The following CHST9 variants were observed in gnomAD, a reference collection of about 807,000 sequenced individuals.
CHST9 encodes the protein carbohydrate sulfotransferase 9, also known as GalNAc-4-sulfotransferase 2.
A neutral mutation model predicts 44.4 loss-of-function variants in CHST9; 41 were observed. The observed-to-expected ratio is 0.92, with a 90% CI of 0.72 to 1.20. The LOEUF is 1.20. CHST9 is among the 50% of genes most tolerant of loss of function. CHST9 has a pLI of 0.00. For synonymous variants in CHST9, 171 were observed against 178.4 expected (o/e 0.96, Z 0.33); for missense variants, 504 against 516.5 (o/e 0.98, Z 0.23).
rs116543043 is a variant in CHST9 at position 26,954,088 on chromosome 18, T to C, written c.203-9722A>G. On this transcript the variant is annotated intron_variant, in intron 4 of 5. Transcript: ENST00000618847. ...ACATCCCCCTCTTTTCACCATCAAA[T>C]TGTATTTTAATAAGGAATCTGAGAA... Among the ~76,000 whole-genome samples, 237 of 152,200 alleles carry C rather than the reference T, an allele frequency of 1.6e-3. 1 individual carries two copies. The highest frequency in any genetic ancestry group is 5.4e-3 in the African/African-American group (225 of 41,516).
intron 1 of CHST9, among the ~76,000 whole-genome samples, chr18:27,156,280 A>C (rs2058698162): frequency 6.6e-6 from 1 of 152,050 alleles, no homozygotes; most frequent in Admixed American, 6.5e-5. Context: ...AAGATGAGAA[A>C]TGTAGTATCC....
intron 2 of CHST9, among the ~76,000 whole-genome samples, chr18:27,140,123 T>A (rs1215339230): frequency 6.6e-6 from 1 of 152,156 alleles, no homozygotes. Flanking sequence ...TATAGAGAAA[T>A]AATAATATTC....
At chr18:27,048,049 G>T (rs1220398159) in intron 3 of CHST9, among the ~76,000 whole-genome samples, 1 of 152,150 alleles carries the variant, frequency 6.6e-6, no homozygotes, top group Non-Finnish European at 1.5e-5. Flanking sequence ...ATATAAAGAT[G>T]CTTCTCAGTT....
At chr18:27,106,462 G>A (rs1422318146) in intron 2 of CHST9, among the ~76,000 whole-genome samples, 1 of 152,140 alleles carries the variant, frequency 6.6e-6, no homozygotes, top group Non-Finnish European at 1.5e-5. Flanking sequence ...CTATTTTGTT[G>A]TAATTGTTGT....
chr18:27,034,895 G>C (rs1195071960), intron 3 of CHST9, among the ~76,000 whole-genome samples: 1 of 152,178 alleles, frequency 6.6e-6, no homozygotes, highest in Non-Finnish European at 1.5e-5. Flanking sequence ...GGAAAAAGTT[G>C]AAAGCTTTTT....
chr18:26,928,462 T>C (rs232339), intron 5 of CHST9: 66,816 of 152,018 alleles, frequency 0.44, 15,043 homozygotes, highest in East Asian at 0.7. Flanking sequence ...TGCGTCAGAT[T>C]GCCTAGGTCT....
intron 4 of CHST9, among the ~76,000 whole-genome samples, chr18:27,020,335 G>T (rs1372729137): frequency 6.6e-6 from 1 of 152,218 alleles, no homozygotes; most frequent in Non-Finnish European, 1.5e-5. Flanking sequence ...TACCACAGTG[G>T]ACCGAAAGAA....
chr18:26,962,001 C>T (rs959402886), intron 4 of CHST9, among the ~76,000 whole-genome samples: 15 of 152,148 alleles, frequency 9.9e-5, no homozygotes, highest in Admixed American at 2.0e-4. Context: ...GGGAGACACA[C>T]AGGACAGATT....
chr18:27,168,295 C>T (rs930474139), intron 1 of CHST9, among the ~76,000 whole-genome samples: 29 of 152,082 alleles, frequency 1.9e-4, no homozygotes, highest in East Asian at 9.7e-4. Context: ...AGGATGGTCT[C>T]GATCCCCTGA....
chr18:27,038,974 G>T (rs2057417660), intron 3 of CHST9, among the ~76,000 whole-genome samples: 1 of 152,000 alleles, frequency 6.6e-6, no homozygotes, highest in South Asian at 2.1e-4. Context: ...TTATATATAT[G>T]GCTTACATTG....
At chr18:26,977,346 T>A (rs891250427) in intron 4 of CHST9, among the ~76,000 whole-genome samples, 16 of 150,518 alleles carry the variant, frequency 1.1e-4, no homozygotes, top group Admixed American at 7.3e-4. Flanking sequence ...TTAGTCTAAA[T>A]GTAGAGTGAC....
Position 27,128,866 on chromosome 18 carries a change from T to C in CHST9, c.121+13823A>G, listed in dbSNP as rs74612516. On this transcript the variant is annotated intron_variant, in intron 2 of 5. Coordinates refer to ENST00000618847, the MANE Select transcript of CHST9 (RefSeq NM_031422.6). ...GGTAGTGACTACACCAAAGATCTGATACATTGTGAATCATGGATAAACCGT... is the reference window on the plus strand; with the variant it reads ...GGTAGTGACTACACCAAAGATCTGACACATTGTGAATCATGGATAAACCGT... Among the ~76,000 whole-genome samples the C allele has an allele frequency of 1.5e-3, 222 of 152,332 alleles. 1 individual carries two copies. Among genetic ancestry groups the C allele is most frequent in the Middle Eastern group, 3.4e-3 (1 of 294 alleles).
At position 27,058,281 on chromosome 18, in the gene CHST9, C is replaced by T. The variant is rs115260220; in HGVS notation, c.122-9778G>A. On this transcript the variant is annotated intron_variant, in intron 2 of 5. Transcript: ENST00000618847. ...AGTCACTTTTAAATAATATAATATT[C>T]TAAGTGTCTTTGGTGTGTTTATTAT... is the stretch of plus-strand genomic sequence containing the variant. 5.9e-3 allele frequency among the ~76,000 whole-genome samples: 900 copies of T among 152,172 alleles called. 14 individuals carry two copies. The highest frequency in any genetic ancestry group is 0.021 in the African/African-American group (858 of 41,500).
At chr18:27,146,676 G>A (rs1011893398) in intron 1 of CHST9, among the ~76,000 whole-genome samples, 9 of 152,088 alleles carry the variant, frequency 5.9e-5, no homozygotes, top group Non-Finnish European at 1.0e-4. Flanking sequence ...GAGCCTAAAA[G>A]GTACTTAAAA....
intron 4 of CHST9, among the ~76,000 whole-genome samples, chr18:26,968,170 G>T (rs2056491479): frequency 6.6e-6 from 1 of 152,060 alleles, no homozygotes; most frequent in Non-Finnish European, 1.5e-5. Flanking sequence ...CTTCGTATAT[G>T]CATCTATCCC....
chr18:27,020,686 A>G (rs2057214412), intron 4 of CHST9, among the ~76,000 whole-genome samples: 1 of 152,232 alleles, frequency 6.6e-6, no homozygotes. Flanking sequence ...TGTGTCTTAT[A>G]TTAATTAAAA....
intron 2 of CHST9, among the ~76,000 whole-genome samples, chr18:27,073,960 G>C (rs868258026): frequency 1.3e-5 from 2 of 152,028 alleles, no homozygotes; most frequent in African/African-American, 2.4e-5. Context: ...ACAACTCTAT[G>C]AGGAGGTGCA....
chr18:26,957,505 C>G (rs2056341091), intron 4 of CHST9, among the ~76,000 whole-genome samples: 1 of 151,070 alleles, frequency 6.6e-6, no homozygotes, highest in Non-Finnish European at 1.5e-5. Flanking sequence ...AGCTGTCATA[C>G]TTAGCTACTA....
At chr18:27,027,186 T>C (rs2057293289) in intron 3 of CHST9, among the ~76,000 whole-genome samples, 1 of 152,186 alleles carries the variant, frequency 6.6e-6, no homozygotes, top group African/African-American at 2.4e-5. Flanking sequence ...GATAAATTAA[T>C]TTAGTTGTTT....
Sources: allele counts gnomAD v4.1 joint callset (sites outside exome capture counted in the v4.1 genomes callset), GRCh38; gene constraint gnomAD v4.1.1; transcripts MANE v1.5; gene names NCBI Gene and HGNC (gene_info 2026-07-23, HGNC 2026-07-21).